APPL1: variants seen among roughly 807,000 people sequenced by gnomAD.
APPL1 encodes adaptor protein, phosphotyrosine interacting with PH domain and leucine zipper 1, also known as DCC-interacting protein 13-alpha.
A neutral mutation model predicts 106.8 loss-of-function variants in APPL1; 42 were observed. The ratio of observed to expected loss-of-function variants is 0.39; its 90% confidence interval spans 0.31 to 0.51. The LOEUF (loss-of-function observed/expected upper bound fraction) is 0.51. Ranked by LOEUF, APPL1 falls within the 20% of genes least tolerant of loss-of-function variation. The probability of loss-of-function intolerance (pLI) is 0.75; values close to 1 mark genes in which losing one functional copy is unlikely to be tolerated. For synonymous variants in APPL1, 263 were observed against 281.8 expected (o/e 0.93, Z 0.67); for missense variants, 769 against 858.2 (o/e 0.90, Z 1.30).
chr3:57,264,009 A>G (rs566916589), intron 19 of APPL1, among the ~76,000 whole-genome samples: 65 of 152,258 alleles, frequency 4.3e-4, no homozygotes, highest in Non-Finnish European at 7.5e-4. Flanking sequence ...TCCCACCAAC[A>G]GTGTACAAGG....
At chr3:57,243,514 CTG>C (rs1336513061) in intron 7 of APPL1, among the ~76,000 whole-genome samples, 1 of 152,126 alleles carries the variant, frequency 6.6e-6, no homozygotes, top group African/African-American at 2.4e-5. Flanking sequence ...GAGGTGATCT[CTG>C]TGCCTGGGTG....
intron 19 of APPL1, among the ~76,000 whole-genome samples, chr3:57,263,765 GTTT>G (rs377176956): frequency 7.2e-6 from 1 of 139,040 alleles, no homozygotes; most frequent in African/African-American, 2.6e-5. Context: ...TTCATCTGTT[GTTT>G]TTTTTTTTTT....
intron 1 of APPL1, among the ~76,000 whole-genome samples, chr3:57,233,976 T>C (rs2060702708): frequency 1.3e-5 from 2 of 152,014 alleles, no homozygotes; most frequent in East Asian, 3.9e-4. Flanking sequence ...CCCAGCTACC[T>C]GGGAGGCTGA....
At chr3:57,253,915 T>C (rs1579394658) in intron 13 of APPL1, among the ~76,000 whole-genome samples, 177 bp downstream of exon 13, 1 of 148,934 alleles carries the variant, frequency 6.7e-6, no homozygotes, top group African/African-American at 2.5e-5. Context: ...CAGGCTGGAG[T>C]GCTGTGGCCT....
chr3:57,227,787 C>G lies in APPL1; in HGVS notation c.-97C>G, dbSNP rs746341864. On this transcript the variant is annotated 5_prime_UTR_variant, in exon 1 of 22. Transcript: ENST00000288266. The stretch of plus-strand genomic sequence containing the variant: ...GGGCGGGGACGGCTGCAGCCCTTGC[C>G]GGAGAGGGCGGGCCGGGGTCAGCTG... 1.4e-4 allele frequency: 152 copies of G among 1,107,468 alleles called. No homozygotes were observed. Among genetic ancestry groups the G allele is most frequent in the Non-Finnish European group, 1.8e-4 (147 of 833,096 alleles). 68.6% of individuals were successfully genotyped at this position (1,107,468 alleles called of 1,614,324 possible). A position where few individuals can be genotyped will look rare whatever the true frequency, so the allele number is the denominator to read the frequency against.
At chr3:57,235,896 A>G (rs1380682444) in intron 2 of APPL1, among the ~76,000 whole-genome samples, 2 of 152,180 alleles carry the variant, frequency 1.3e-5, no homozygotes, top group Non-Finnish European at 2.9e-5. Context: ...GCATCTGCCC[A>G]TTCTCCCCAA....
At chr3:57,256,884 T>C (rs1011521427) in intron 13 of APPL1, 73 bp from the exon 14 acceptor site, 2 of 1,174,610 alleles carry the variant, frequency 1.7e-6, no homozygotes, top group African/African-American at 1.5e-5. Flanking sequence ...ATTCTAACAA[T>C]TCAGAGTTAC....
At chr3:57,261,104 C>T (rs993411052) in intron 19 of APPL1, among the ~76,000 whole-genome samples, 1 of 152,084 alleles carries the variant, frequency 6.6e-6, no homozygotes, top group African/African-American at 2.4e-5. Context: ...TCATCCTCCC[C>T]CTTTCCTCAT....
chr3:57,253,822 T>A, intron 13 of APPL1, 84 bp downstream of exon 13: 1 of 1,148,512 alleles, frequency 8.7e-7, no homozygotes, highest in Non-Finnish European at 1.1e-6. Context: ...TCATAATTTC[T>A]CAGGTTCTGT....
chr3:57,237,789 T>C (rs1231081850), intron 3 of APPL1, among the ~76,000 whole-genome samples: 4 of 152,210 alleles, frequency 2.6e-5, no homozygotes, highest in African/African-American at 9.6e-5. Flanking sequence ...TACAGTGTTA[T>C]TGGAGGAACT....
At chr3:57,237,420 A>G in intron 2 of APPL1, 72 bp from the exon 3 acceptor site, 1 of 1,000,610 alleles carries the variant, frequency 1.0e-6, no homozygotes, top group Non-Finnish European at 1.5e-6. Flanking sequence ...TAATAAATAA[A>G]TTAGGTATTT....
At chr3:57,244,664 C>A (rs2060763753) in intron 7 of APPL1, among the ~76,000 whole-genome samples, 1 of 152,010 alleles carries the variant, frequency 6.6e-6, no homozygotes, top group African/African-American at 2.4e-5. Context: ...TATATTAGTA[C>A]CAGATTACTA....
chr3:57,249,177 C>A (rs1252807101), intron 10 of APPL1, among the ~76,000 whole-genome samples, 183 bp from the exon 11 acceptor site: 1 of 152,124 alleles, frequency 6.6e-6, no homozygotes, highest in Non-Finnish European at 1.5e-5. Context: ...TACACATTCA[C>A]AAAAGTGAGT....
intron 19 of APPL1, among the ~76,000 whole-genome samples, chr3:57,262,358 G>A: frequency 1.4e-5 from 1 of 69,218 alleles, no homozygotes; most frequent in Non-Finnish European, 3.0e-5. Flanking sequence ...TTTTCTTCTA[G>A]TGTTTTTTTT....
At chr3:57,237,060 T>G (rs186141034) in intron 2 of APPL1, among the ~76,000 whole-genome samples, 163 of 152,344 alleles carry the variant, frequency 1.1e-3, no homozygotes, top group African/African-American at 3.7e-3. Flanking sequence ...AATTAAAGTT[T>G]TTCATATGGC....
At chr3:57,266,372 A>C (rs1471837102) in intron 19 of APPL1, among the ~76,000 whole-genome samples, 3 of 152,036 alleles carry the variant, frequency 2.0e-5, no homozygotes, top group African/African-American at 7.2e-5. Flanking sequence ...GGATCTTGTT[A>C]CTTGTTATTG....
At chr3:57,256,228 T>C (rs1044766595) in intron 13 of APPL1, among the ~76,000 whole-genome samples, 1 of 152,080 alleles carries the variant, frequency 6.6e-6, no homozygotes, top group African/African-American at 2.4e-5. Context: ...ATTTAAAAAA[T>C]TGTGAAAAAA....
intron 15 of APPL1, chr3:57,258,799 A>C: frequency 2.6e-6 from 1 of 386,548 alleles, no homozygotes; most frequent in Non-Finnish European, 4.6e-6. Context: ...TGTATGTCTA[A>C]ACTTCCAATT....
rs866569656 is a variant in APPL1 at position 57,269,891 on chromosome 3, A to G, written c.*204A>G. 10 of 468,350 alleles carry G rather than the reference A, an allele frequency of 2.1e-5. No homozygotes were observed. The highest frequency in any genetic ancestry group is 1.4e-4 in the East Asian group (4 of 27,804). The allele number at this position is 468,350 out of a possible 1,614,324, so 29.0% of individuals were successfully genotyped here. A position where few individuals can be genotyped will look rare whatever the true frequency, so the allele number is the denominator to read the frequency against. ...TTTTCCCCCTTAAACATAATGTACTATGTATTAACATCTAAAGGAAACCTG... is the reference window on the plus strand; with the variant it reads ...TTTTCCCCCTTAAACATAATGTACTGTGTATTAACATCTAAAGGAAACCTG... On this transcript the variant is annotated 3_prime_UTR_variant, in exon 22 of 22. Transcript: ENST00000288266.
Sources: allele counts gnomAD v4.1 joint callset (sites outside exome capture counted in the v4.1 genomes callset), GRCh38; gene constraint gnomAD v4.1.1; transcripts MANE v1.5; gene names NCBI Gene and HGNC (gene_info 2026-07-23, HGNC 2026-07-21).